EPHA3: variants seen among roughly 807,000 people sequenced by gnomAD.
EPHA3 encodes the protein EPH receptor A3.
EPHA3 carries 42 observed loss-of-function variants against 107.1 expected under a neutral mutation model. The ratio of observed to expected loss-of-function variants is 0.39; its 90% confidence interval spans 0.31 to 0.51. EPHA3 has a LOEUF of 0.51. EPHA3 is among the 20% of genes least tolerant of loss of function. The pLI is 0.78. For synonymous variants in EPHA3, 461 were observed against 424.8 expected (o/e 1.09, Z -1.05); for missense variants, 1,183 against 1,211.2 (o/e 0.98, Z 0.35).
intron 2 of EPHA3, among the ~76,000 whole-genome samples, chr3:89,134,387 G>A (rs559059373): frequency 3.4e-4 from 51 of 151,732 alleles, no homozygotes; most frequent in South Asian, 2.1e-3. Context: ...CCCACAACAG[G>A]CCCTGGTGTG....
chr3:89,412,672 C>T (rs1709177515), intron 9 of EPHA3, among the ~76,000 whole-genome samples: 1 of 151,660 alleles, frequency 6.6e-6, no homozygotes, highest in South Asian at 2.1e-4. Flanking sequence ...TTTAATTTAT[C>T]TATAATTGCA....
intron 3 of EPHA3, among the ~76,000 whole-genome samples, chr3:89,214,740 C>CT (rs1173642127): frequency 6.6e-6 from 1 of 151,628 alleles, no homozygotes; most frequent in Non-Finnish European, 1.5e-5. Context: ...GACTCAGTCT[C>CT]TTTTTTTTCA....
chr3:89,359,918 T>C (rs1163011058), intron 5 of EPHA3, among the ~76,000 whole-genome samples: 4 of 149,156 alleles, frequency 2.7e-5, no homozygotes, highest in African/African-American at 4.9e-5. Flanking sequence ...ATTTATTATT[T>C]AAACTAACAA....
At chr3:89,383,585 C>CAAACAAATTAAT (rs1306490367) in intron 5 of EPHA3, among the ~76,000 whole-genome samples, 1 of 146,988 alleles carries the variant, frequency 6.8e-6, no homozygotes, top group Non-Finnish European at 1.5e-5. Context: ...TGCTTTAAGA[C>CAAACAAATTAAT]AAACAAATTA....
Position 89,413,136 on chromosome 3 carries a change from A to C in EPHA3, c.1763-5A>C, listed in dbSNP as rs1391025763. 1 of 1,610,602 alleles carries C rather than the reference A, an allele frequency of 6.2e-7. No individual in the cohort carries two copies. Among genetic ancestry groups the C allele is most frequent in the Non-Finnish European group, 8.5e-7 (1 of 1,177,768 alleles). ...AATTGCGCCTTTCTTTCTTTCCTCA[A>C]ACAGTAAAACTTCCAGGTCTCAGGA... On this transcript the variant is annotated splice_region_variant and splice_polypyrimidine_tract_variant and intron_variant, in intron 9 of 16. Coordinates refer to ENST00000336596, the MANE Select transcript of EPHA3 (RefSeq NM_005233.6).
At chr3:89,201,613 G>C (rs1305341761) in intron 2 of EPHA3, among the ~76,000 whole-genome samples, 2 of 152,002 alleles carry the variant, frequency 1.3e-5, no homozygotes. Context: ...CCACTGTCTC[G>C]CAGCTATTCA....
At chr3:89,400,168 C>T in intron 7 of EPHA3, 2 of 360,330 alleles carry the variant, frequency 5.6e-6, no homozygotes, top group Non-Finnish European at 7.8e-6. Context: ...AATGATTTTA[C>T]TTAACTCATT....
At chr3:89,283,912 A>T (rs1280816880) in intron 3 of EPHA3, among the ~76,000 whole-genome samples, 4 of 152,112 alleles carry the variant, frequency 2.6e-5, no homozygotes, top group Non-Finnish European at 5.9e-5. Context: ...TTTCCATATC[A>T]GGTTTATAAT....
At chr3:89,342,852 T>TACACACAC (rs1424691742) in intron 5 of EPHA3, among the ~76,000 whole-genome samples, 14 of 129,878 alleles carry the variant, frequency 1.1e-4, no homozygotes, top group African/African-American at 4.8e-4. Flanking sequence ...GTCTTATTTT[T>TACACACAC]ACACATACAC....
chr3:89,204,300 AATAGT>A (rs1706046570), intron 2 of EPHA3, among the ~76,000 whole-genome samples: 1 of 152,314 alleles, frequency 6.6e-6, no homozygotes, highest in Middle Eastern at 3.4e-3. Context: ...GTTGGGTATG[AATAGT>A]AGCCATTATA....
intron 5 of EPHA3, among the ~76,000 whole-genome samples, chr3:89,351,278 G>A (rs1197937177): frequency 3.1e-4 from 47 of 149,912 alleles, no homozygotes; most frequent in African/African-American, 7.6e-4. Flanking sequence ...GATTCCGTGG[G>A]CGTAGGACCC....
At chr3:89,214,788 T>C (rs1236520013) in intron 3 of EPHA3, among the ~76,000 whole-genome samples, 2 of 151,968 alleles carry the variant, frequency 1.3e-5, no homozygotes, top group African/African-American at 4.8e-5. Context: ...CAAAGTGCCT[T>C]GAGTTTATAA....
intron 3 of EPHA3, among the ~76,000 whole-genome samples, chr3:89,327,372 T>G (rs1707189111): frequency 6.6e-6 from 1 of 152,074 alleles, no homozygotes; most frequent in East Asian, 1.9e-4. Flanking sequence ...AGAATATGAG[T>G]TCAAATGATT....
chr3:89,222,577 A>G (rs1441651526), intron 3 of EPHA3, among the ~76,000 whole-genome samples: 2 of 151,142 alleles, frequency 1.3e-5, no homozygotes, highest in Non-Finnish European at 2.9e-5. Context: ...ACATATATGC[A>G]CTTAGCACTA....
At chr3:89,128,434 C>A (rs1018312575) in intron 2 of EPHA3, among the ~76,000 whole-genome samples, 1 of 151,994 alleles carries the variant, frequency 6.6e-6, no homozygotes, top group Non-Finnish European at 1.5e-5. Flanking sequence ...AAAAGCACAG[C>A]CTAGGTTGTC....
At chr3:89,111,761 G>C (rs1194195034) in intron 1 of EPHA3, among the ~76,000 whole-genome samples, 1 of 151,942 alleles carries the variant, frequency 6.6e-6, no homozygotes, top group Non-Finnish European at 1.5e-5. Flanking sequence ...CTATATCTTT[G>C]TAAAGACTAG....
At chr3:89,406,942 A>T (rs1336523314) in intron 7 of EPHA3, among the ~76,000 whole-genome samples, 1 of 152,154 alleles carries the variant, frequency 6.6e-6, no homozygotes, top group Non-Finnish European at 1.5e-5. Context: ...CTTCTGGTTC[A>T]TTCAACGAGT....
At chr3:89,369,403 G>T (rs1457485898) in intron 5 of EPHA3, among the ~76,000 whole-genome samples, 1 of 150,690 alleles carries the variant, frequency 6.6e-6, no homozygotes, top group Non-Finnish European at 1.5e-5. Context: ...ATGGGGAAAG[G>T]ATTCCCTATT....
intron 3 of EPHA3, among the ~76,000 whole-genome samples, chr3:89,290,869 G>T (rs1299299503): frequency 6.6e-6 from 1 of 152,124 alleles, no homozygotes; most frequent in East Asian, 1.9e-4. Context: ...CACAAGCCAA[G>T]TTGTTAGATG....
Sources: allele counts gnomAD v4.1 joint callset (sites outside exome capture counted in the v4.1 genomes callset), GRCh38; gene constraint gnomAD v4.1.1; transcripts MANE v1.5; gene names NCBI Gene and HGNC (gene_info 2026-07-23, HGNC 2026-07-21).